ZNF385D: variants seen among roughly 807,000 people sequenced by gnomAD.
The protein encoded by ZNF385D is zinc finger protein 659.
In ZNF385D, 15 loss-of-function variants were observed where a neutral mutation model predicts 35.8. The ratio of observed to expected loss-of-function variants is 0.42; its 90% CI spans 0.28 to 0.64. ZNF385D has a LOEUF of 0.64. Among genes scored for constraint, ZNF385D ranks in the 30% least tolerant of loss-of-function variants. The pLI is 0.23. For missense variants in ZNF385D, 474 were observed against 494.6 expected (o/e 0.96, Z 0.39); for synonymous variants, 212 against 186.8 (o/e 1.13, Z -1.10).
At chr3:21,773,607 AAAG>A (rs2071167541) in intron 3 of ZNF385D, among the ~76,000 whole-genome samples, 1 of 152,130 alleles carries the variant, frequency 6.6e-6, no homozygotes, top group South Asian at 2.1e-4. Flanking sequence ...AAAAGTGGGC[AAAG>A]AACACAAACA....
At chr3:21,969,927 G>C (rs1053732520) in intron 3 of ZNF385D, among the ~76,000 whole-genome samples, 6 of 152,150 alleles carry the variant, frequency 3.9e-5, no homozygotes, top group Non-Finnish European at 7.3e-5. Context: ...GTATTCCAGA[G>C]AACTCTTCCA....
intron 2 of ZNF385D, among the ~76,000 whole-genome samples, chr3:22,326,312 A>G (rs2125452859): frequency 1.3e-5 from 2 of 152,252 alleles, no homozygotes; most frequent in South Asian, 4.1e-4. Context: ...AAGGGAGAAA[A>G]TTCCTTCCCC....
At chr3:22,174,569 T>A (rs1347796307) in intron 2 of ZNF385D, among the ~76,000 whole-genome samples, 1 of 152,134 alleles carries the variant, frequency 6.6e-6, no homozygotes, top group East Asian at 1.9e-4. Flanking sequence ...AATTTACATA[T>A]CTAGAAGACA....
intron 3 of ZNF385D, among the ~76,000 whole-genome samples, chr3:21,928,472 G>A (rs809027): frequency 0.88 from 134,060 of 152,148 alleles, 59,181 homozygotes; most frequent in East Asian, 0.98. Context: ...ATTATCACCA[G>A]CTGGACTTAA....
At chr3:21,592,507 T>A (rs1005724815) in intron 2 of ZNF385D, among the ~76,000 whole-genome samples, 2 of 136,766 alleles carry the variant, frequency 1.5e-5, no homozygotes, top group Admixed American at 1.6e-4. Flanking sequence ...TATTTTCTCA[T>A]AGAGCTTTTC....
chr3:21,879,014 T>C lies in ZNF385D; in HGVS notation c.326-213986A>G, dbSNP rs542874272. Among the ~76,000 whole-genome samples, 11 of 152,136 alleles carry C rather than the reference T, an allele frequency of 7.2e-5. No homozygotes were observed. In the South Asian group the frequency reaches 1.5e-3, roughly 20 times the overall value. On this transcript the variant is annotated intron_variant, in intron 3 of 5. Transcript: ENST00000494108. ...GAACTTGCTGCCAACAGTAGTTCTC[T>C]TGTGATACACTACCAGAAAAAATAT...
At chr3:21,903,652 T>A (rs1010355819) in intron 3 of ZNF385D, among the ~76,000 whole-genome samples, 2 of 152,238 alleles carry the variant, frequency 1.3e-5, no homozygotes, top group African/African-American at 4.8e-5. Context: ...CATTTTATTT[T>A]ACAGAAATCG....
intron 2 of ZNF385D, among the ~76,000 whole-genome samples, chr3:21,634,607 G>A (rs1172353928): frequency 6.6e-6 from 1 of 151,858 alleles, no homozygotes; most frequent in East Asian, 1.9e-4. Context: ...AATATCAGAT[G>A]CACTTATTTT....
chr3:22,352,522 G>T (rs528320310), intron 2 of ZNF385D, among the ~76,000 whole-genome samples: 1 of 152,262 alleles, frequency 6.6e-6, no homozygotes, highest in Admixed American at 6.5e-5. Flanking sequence ...CAAATTAAGA[G>T]ATTTCTTTGG....
chr3:21,486,698 C>T (rs557537718), intron 4 of ZNF385D, among the ~76,000 whole-genome samples: 1 of 152,214 alleles, frequency 6.6e-6, no homozygotes, highest in South Asian at 2.1e-4. Flanking sequence ...TAGGTCACAT[C>T]TAGTACGACC....
chr3:21,641,524 G>T (rs772625335), intron 2 of ZNF385D, among the ~76,000 whole-genome samples: 3 of 150,098 alleles, frequency 2.0e-5, no homozygotes, highest in Non-Finnish European at 4.4e-5. Flanking sequence ...GCTTTTTCTT[G>T]TTATACCATT....
intron 2 of ZNF385D, among the ~76,000 whole-genome samples, chr3:22,227,985 G>A (rs1698660039): frequency 6.6e-6 from 1 of 152,060 alleles, no homozygotes; most frequent in Non-Finnish European, 1.5e-5. Context: ...TCTTTCCTGG[G>A]AAAAGCCAAG....
At chr3:21,978,308 T>A (rs753050402) in intron 3 of ZNF385D, 4 of 152,238 alleles carry the variant, frequency 2.6e-5, no homozygotes, top group Non-Finnish European at 4.4e-5. Context: ...ACTAAATCAA[T>A]GTTTGCTGTC....
intron 3 of ZNF385D, among the ~76,000 whole-genome samples, chr3:21,891,304 G>T (rs1387956081): frequency 1.3e-5 from 2 of 152,072 alleles, no homozygotes; most frequent in Admixed American, 1.3e-4. Flanking sequence ...TATCCAGGAA[G>T]TACACTGAGA....
intron 3 of ZNF385D, among the ~76,000 whole-genome samples, chr3:22,001,165 A>T (rs1280801147): frequency 6.6e-6 from 1 of 152,148 alleles, no homozygotes; most frequent in African/African-American, 2.4e-5. Flanking sequence ...TCTTGAATAT[A>T]AACAGACTAA....
intron 3 of ZNF385D, among the ~76,000 whole-genome samples, chr3:22,141,130 A>T (rs561897086): frequency 6.6e-5 from 10 of 152,346 alleles, no homozygotes; most frequent in Middle Eastern, 6.8e-3. Context: ...ACTTAAAAAC[A>T]TAAGAGAGGT....
At chr3:21,990,338 G>T (rs1317045847) in intron 3 of ZNF385D, among the ~76,000 whole-genome samples, 1 of 152,058 alleles carries the variant, frequency 6.6e-6, no homozygotes, top group African/African-American at 2.4e-5. Flanking sequence ...GAGCAAAAAG[G>T]AACTCTTCAC....
intron 3 of ZNF385D, among the ~76,000 whole-genome samples, chr3:22,120,685 G>A (rs1703045839): frequency 6.6e-6 from 1 of 152,082 alleles, no homozygotes; most frequent in Non-Finnish European, 1.5e-5. Flanking sequence ...TAAATTTAGT[G>A]AGTAATAATA....
At chr3:21,864,360 A>G (rs1202965920) in intron 3 of ZNF385D, among the ~76,000 whole-genome samples, 4 of 152,098 alleles carry the variant, frequency 2.6e-5, no homozygotes, top group Admixed American at 1.3e-4. Flanking sequence ...GAAAATTACA[A>G]ATTCTCTGAG....
Sources: allele counts gnomAD v4.1 joint callset (sites outside exome capture counted in the v4.1 genomes callset), GRCh38; gene constraint gnomAD v4.1.1; transcripts MANE v1.5; gene names NCBI Gene and HGNC (gene_info 2026-07-23, HGNC 2026-07-21).